Variants in TEX264 observed in about 807,000 individuals in gnomAD.
TEX264 encodes the protein testis-expressed protein 264.
Under a neutral mutation model 23.4 loss-of-function variants are expected in TEX264, and 13 were observed. The observed-to-expected ratio is 0.56, with a 90% CI of 0.36 to 0.88. The LOEUF is 0.88. Ranked by LOEUF, TEX264 falls within the 40% of genes least tolerant of loss-of-function variation. The pLI is 0.01. For missense variants in TEX264, 340 were observed against 406.8 expected, an observed-to-expected ratio of 0.84 and a Z score of 1.41; for synonymous variants, 159 against 170.0, an observed-to-expected ratio of 0.94 and a Z score of 0.50.
In TEX264 at chr3:51,686,743, G is replaced by GC. The variant is rs1702637326; in HGVS notation, c.480+2111dup. Among the ~76,000 whole-genome samples the GC allele has an allele frequency of 6.6e-6, 1 of 152,054 alleles. No homozygotes were observed. Among genetic ancestry groups the GC allele is most frequent in the Non-Finnish European group, 1.5e-5 (1 of 67,992 alleles). ...GTGCCCTAGGCCTGCTTAGTGTGCT[G>GC]CCTCTGGGGAGTCCCGCCCCATTTC... On this transcript the variant is annotated intron_variant, in intron 3 of 4. Coordinates refer to ENST00000341333, the MANE Select transcript of TEX264 (RefSeq NM_015926.6). This position sits in a 1 kb window ranked among gnomAD's most constrained non-coding sequence, Gnocchi z 4.1.
intron 2 of TEX264, among the ~76,000 whole-genome samples, chr3:51,676,640 A>G (rs1411299019): frequency 1.3e-5 from 2 of 152,148 alleles, no homozygotes; most frequent in East Asian, 3.8e-4. Flanking sequence ...CTGAGCCTCT[A>G]TTTCCTTGTC....
rs190862716 is a variant in TEX264 at position 51,703,494 on chromosome 3, C to T, written c.650-230C>T. Among the ~76,000 whole-genome samples the T allele has an allele frequency of 3.3e-5, 5 of 151,860 alleles. No homozygotes were observed. The highest frequency in any genetic ancestry group is 6.5e-5 in the Admixed American group (1 of 15,300). ...AGAAGAGTGCACAGCTGCCTCCTCC[C>T]ACCCTCTCTCCCTCCCTCCCTCCTT... is the stretch of plus-strand genomic sequence containing the variant. On this transcript the variant is annotated intron_variant, in intron 4 of 4. Transcript: ENST00000341333. This position sits in a 1 kb window ranked among gnomAD's most constrained non-coding sequence, Gnocchi z 4.8.
intron 3 of TEX264, 24 bp from the exon 4 acceptor site, chr3:51,699,382 T>C: frequency 6.2e-7 from 1 of 1,611,114 alleles, no homozygotes; most frequent in Non-Finnish European, 8.5e-7. Context: ...GGGCTCATTC[T>C]ACCTTTTGCC....
At chr3:51,681,940 T>C (rs892992303) in intron 2 of TEX264, 10 of 152,396 alleles carry the variant, frequency 6.6e-5, no homozygotes, top group African/African-American at 2.4e-4. Flanking sequence ...CTGAGCAAGA[T>C]GACCACATGT....
At chr3:51,689,249 C>G (rs1256714645) in intron 3 of TEX264, among the ~76,000 whole-genome samples, 1 of 151,848 alleles carries the variant, frequency 6.6e-6, no homozygotes, top group East Asian at 1.9e-4. Context: ...CATGGTGAAA[C>G]CTCGTCTCTA....
intron 2 of TEX264, chr3:51,684,138 C>A: frequency 2.1e-6 from 1 of 467,834 alleles, no homozygotes; most frequent in Admixed American, 3.6e-5. Flanking sequence ...AGGGCAGAGA[C>A]CAAGTCTAAC....
Position 51,704,117 on chromosome 3 carries a change from G to A in TEX264, c.*101G>A. On this transcript the variant is annotated 3_prime_UTR_variant, in exon 5 of 5. Transcript: ENST00000341333. Reference sequence around the variant, plus strand: ...TCCTCCTTCCTCTGGGGGAGGAGGGGTTCCTGAGGGACCTGACTTCCCCTG... The same window carrying A: ...TCCTCCTTCCTCTGGGGGAGGAGGGATTCCTGAGGGACCTGACTTCCCCTG... The A allele has an allele frequency of 8.8e-7, 1 of 1,131,342 alleles. No homozygotes were observed. The allele number at this position is 1,131,342 out of a possible 1,614,324, so 70.1% of individuals were successfully genotyped here.
At chr3:51,689,135 A>G (rs1702733154) in intron 3 of TEX264, among the ~76,000 whole-genome samples, 1 of 151,494 alleles carries the variant, frequency 6.6e-6, no homozygotes, top group African/African-American at 2.4e-5. Context: ...AAATAAATAG[A>G]TAAATGAAGG....
At chr3:51,675,345 C>G (rs1215898147) in intron 2 of TEX264, among the ~76,000 whole-genome samples, 1 of 152,212 alleles carries the variant, frequency 6.6e-6, no homozygotes, top group African/African-American at 2.4e-5. Context: ...AAGGGTTCTT[C>G]AGCCTCTACT....
At chr3:51,682,146 G>T (rs1176561935) in intron 2 of TEX264, 1 of 152,210 alleles carries the variant, frequency 6.6e-6, no homozygotes, top group Admixed American at 6.5e-5. Context: ...AGGTTGGTAG[G>T]GTCAGGGACA....
At position 51,684,417 on chromosome 3, in the gene TEX264, C is replaced by A. The variant is rs1702538605; in HGVS notation, c.263C>A (p.Pro88His). Residue 88 changes from proline (P) to histidine (H), a missense_variant, in exon 3 of 5, where the codon CCC (proline) becomes CAC (histidine). By Grantham distance (77) the Pro-to-His change is moderately conservative. Transcript: ENST00000341333. ...AVYYDNPHMV[P>H]PDKCRCAVGS... is the part of the protein sequence containing the mutation. ...ACCCATGCTTTGCTTCCCCAGGTGC[C>A]CCCTGATAAGTGCCGATGTGCCGTG... The A allele has an allele frequency of 6.2e-7, 1 of 1,613,824 alleles. No homozygotes were observed.
At chr3:51,687,877 C>G (rs754034562) in intron 3 of TEX264, among the ~76,000 whole-genome samples, 8 of 152,204 alleles carry the variant, frequency 5.3e-5, no homozygotes, top group African/African-American at 9.7e-5. Flanking sequence ...AGGAGAAGCA[C>G]TTGTCAGGAC....
chr3:51,674,641 G>T, intron 2 of TEX264, 79 bp downstream of exon 2: 1 of 1,541,622 alleles, frequency 6.5e-7, no homozygotes, highest in Non-Finnish European at 8.8e-7. Context: ...AGTTTTGGTT[G>T]CTGAGGAAAG....
intron 4 of TEX264, among the ~76,000 whole-genome samples, chr3:51,700,649 C>T (rs994069695): frequency 1.3e-5 from 2 of 152,034 alleles, no homozygotes; most frequent in African/African-American, 4.8e-5. Flanking sequence ...TTTACTGTGA[C>T]CTCCCTCTGC....
In TEX264 at chr3:51,679,623, A is replaced by G. The variant is rs1353487894; in HGVS notation, c.259-4790A>G. On this transcript the variant is annotated intron_variant, in intron 2 of 4. Coordinates refer to ENST00000341333, the MANE Select transcript of TEX264 (RefSeq NM_015926.6). Reference sequence around the variant, plus strand: ...GTCTGGGCCTTGGGAACAGGGTTGAAAACAGTACCAACCACAGAAGGCTGT... The same window carrying G: ...GTCTGGGCCTTGGGAACAGGGTTGAGAACAGTACCAACCACAGAAGGCTGT... Among the ~76,000 whole-genome samples, 4 of 152,194 alleles carry G rather than the reference A, an allele frequency of 2.6e-5. No homozygotes were observed. The South Asian group carries it at 6.2e-4, about 24-fold the overall frequency.
Position 51,684,461 on chromosome 3 carries a change from G to A in TEX264, c.307G>A (p.Gly103Ser), listed in dbSNP as rs781613518. The A allele has an allele frequency of 1.9e-6, 3 of 1,614,076 alleles. No individual in the cohort carries two copies. Among genetic ancestry groups the A allele is most frequent in the South Asian group, 1.1e-5 (1 of 91,086 alleles). Reference protein sequence around the residue: ...RCAVGSILSEGEESPSPELID... With the variant: ...RCAVGSILSESEESPSPELID... The stretch of plus-strand genomic sequence containing the variant: ...TGCCGTGGGCAGCATCCTGAGTGAA[G>A]GTGAGGAATCGCCCTCCCCTGAGCT... The change falls in exon 3 of 5, where the codon GGT (glycine) becomes AGT (serine). Residue 103 changes from glycine (G) to serine (S), a missense_variant. Gly to Ser is a moderately conservative substitution (Grantham distance 56). Transcript: ENST00000341333.
In TEX264 at chr3:51,671,263, G is replaced by A. The variant is rs1702029334; in HGVS notation, c.-60G>A. 6.6e-6 allele frequency: 1 copy of A among 152,140 alleles called. No homozygotes were observed. Among genetic ancestry groups the A allele is most frequent in the Non-Finnish European group, 1.5e-5 (1 of 68,018 alleles). The allele number at this position is 152,140 out of a possible 1,614,324, so 9.4% of individuals were successfully genotyped here. On this transcript the variant is annotated 5_prime_UTR_variant, in exon 1 of 5. Transcript: ENST00000341333. The stretch of plus-strand genomic sequence containing the variant: ...GAACCCTGAGCCGCCTGCGCGGATC[G>A]GCGTCCGCAGCGGGCGGCTGCTGAG...
intron 2 of TEX264, chr3:51,684,067 A>G: frequency 3.4e-6 from 1 of 297,008 alleles, no homozygotes; most frequent in Non-Finnish European, 6.4e-6. Context: ...CCCTCAGTGG[A>G]GCCATGTGGA....
chr3:51,683,951 T>C (rs1702518835), intron 2 of TEX264: 1 of 163,594 alleles, frequency 6.1e-6, no homozygotes, highest in African/African-American at 2.4e-5. Context: ...AATTAGCTAA[T>C]AGGATTTTGC....
Sources: gnomAD v4.1 joint callset for allele counts (sites outside exome capture counted in the v4.1 genomes callset) on GRCh38, gnomAD v4.1.1 for gene constraint, Gnocchi (gnomAD v3.1) non-coding constraint, MANE v1.5 for transcripts, NCBI Gene and HGNC (gene_info 2026-07-23, HGNC 2026-07-21) for gene names.